MPP7: variants seen among roughly 807,000 people sequenced by gnomAD.
MPP7 encodes the protein MAGUK p55 scaffold protein 7.
Under a neutral mutation model 76.5 loss-of-function variants are expected in MPP7, and 60 were observed. That is an observed-to-expected ratio of 0.78 (90% CI 0.64 to 0.97). The LOEUF is 0.97. Ranked by LOEUF, MPP7 falls within the 50% of genes least tolerant of loss-of-function variation. The pLI, the probability that MPP7 is intolerant of heterozygous loss-of-function variation, is 0.00. For missense variants in MPP7, 641 were observed against 694.0 expected (o/e 0.92, Z 0.86); for synonymous variants, 237 against 244.5 (o/e 0.97, Z 0.29).
At chr10:28,300,929 C>G (rs956949494) in intron 1 of MPP7, among the ~76,000 whole-genome samples, 3 of 143,974 alleles carry the variant, frequency 2.1e-5, no homozygotes, top group African/African-American at 7.8e-5. Flanking sequence ...GCCTGGACAA[C>G]AGAGTGAGAC....
intron 12 of MPP7, among the ~76,000 whole-genome samples, chr10:28,085,219 T>C (rs1852947456): frequency 1.3e-5 from 2 of 152,168 alleles, no homozygotes; most frequent in Admixed American, 6.5e-5. Context: ...CTGAATCGGT[T>C]CTGTAACTTA....
At chr10:28,158,430 CA>C (rs1211794385) in intron 3 of MPP7, among the ~76,000 whole-genome samples, 4 of 152,264 alleles carry the variant, frequency 2.6e-5, no homozygotes, top group East Asian at 1.9e-4. Flanking sequence ...GGACAGCCGG[CA>C]GGGGGGCCCA....
chr10:28,080,933 T>C lies in MPP7; in HGVS notation c.1123+8738A>G, dbSNP rs191229387. ...GAATTCTAATAAACACACTAACACATTTAGTTTTGAGCACTTACTTTGCAC... is the reference window on the plus strand; with the variant it reads ...GAATTCTAATAAACACACTAACACACTTAGTTTTGAGCACTTACTTTGCAC... On this transcript the variant is annotated intron_variant, in intron 12 of 16. Coordinates refer to ENST00000683449, the MANE Select transcript of MPP7 (RefSeq NM_001318170.2). Among the ~76,000 whole-genome samples, 320 of 152,302 alleles carry C rather than the reference T, an allele frequency of 2.1e-3. 2 individuals carry two copies. Among genetic ancestry groups the C allele is most frequent in the Non-Finnish European group, 3.5e-3 (239 of 68,024 alleles).
Position 28,243,655 on chromosome 10 carries a change from G to A in MPP7, c.-131-4920C>T, listed in dbSNP as rs114948760. Among the ~76,000 whole-genome samples, 671 of 152,196 alleles carry A rather than the reference G, an allele frequency of 4.4e-3. 9 individuals carry two copies. The highest frequency in any genetic ancestry group is 0.015 in the African/African-American group (631 of 41,518). ...TAACAGCAAATATCCACAGTTAACT[G>A]AATAGGCTATTAAAATACTCCTCCC... On this transcript the variant is annotated intron_variant, in intron 1 of 16. Coordinates refer to ENST00000683449, the MANE Select transcript of MPP7 (RefSeq NM_001318170.2).
At chr10:28,156,283 C>T (rs2985529) in intron 3 of MPP7, among the ~76,000 whole-genome samples, 138,387 of 152,224 alleles carry the variant, frequency 0.91, 62,959 homozygotes, top group South Asian at 0.95. Flanking sequence ...AAGAGTTTCA[C>T]GCAAGTTCTG....
chr10:28,290,227 T>C (rs1322949655), intron 1 of MPP7, among the ~76,000 whole-genome samples: 1 of 152,126 alleles, frequency 6.6e-6, no homozygotes, highest in African/African-American at 2.4e-5. Flanking sequence ...TGCCTTGTAT[T>C]GATGCCCTAT....
intron 13 of MPP7, among the ~76,000 whole-genome samples, chr10:28,067,593 A>C (rs1049491953): frequency 6.6e-6 from 1 of 152,218 alleles, no homozygotes; most frequent in African/African-American, 2.4e-5. Context: ...TCCCAGTCCC[A>C]CAACCTTTCT....
chr10:28,256,091 A>T (rs1839775992), intron 1 of MPP7, among the ~76,000 whole-genome samples: 1 of 152,170 alleles, frequency 6.6e-6, no homozygotes, highest in South Asian at 2.1e-4. Flanking sequence ...TCAACAGTAT[A>T]CTAGGAGTGT....
intron 1 of MPP7, among the ~76,000 whole-genome samples, chr10:28,244,869 T>C (rs1351526742): frequency 1.3e-5 from 2 of 152,048 alleles, no homozygotes; most frequent in Non-Finnish European, 2.9e-5. Context: ...CAAGCATAGG[T>C]GTAATGAATG....
intron 3 of MPP7, among the ~76,000 whole-genome samples, chr10:28,174,953 G>A (rs1238124113): frequency 6.6e-6 from 1 of 152,174 alleles, no homozygotes; most frequent in Non-Finnish European, 1.5e-5. Flanking sequence ...AGCAAGAGAA[G>A]AAAGACACAA....
chr10:28,069,124 A>C (rs1447370232), intron 13 of MPP7, among the ~76,000 whole-genome samples: 2 of 152,232 alleles, frequency 1.3e-5, no homozygotes, highest in African/African-American at 2.4e-5. Flanking sequence ...ACAAAAAGAA[A>C]ATAGTTACAA....
intron 5 of MPP7, among the ~76,000 whole-genome samples, chr10:28,138,911 A>G (rs771540636): frequency 2.6e-5 from 4 of 152,214 alleles, no homozygotes; most frequent in Non-Finnish European, 5.9e-5. Flanking sequence ...CCAATGTTGC[A>G]ATCACAGTGC....
intron 13 of MPP7, among the ~76,000 whole-genome samples, chr10:28,068,429 A>G (rs1362979736): frequency 6.6e-6 from 1 of 152,096 alleles, no homozygotes; most frequent in Non-Finnish European, 1.5e-5. Flanking sequence ...TTAAAACAGT[A>G]CTAAAACTGC....
At chr10:28,320,319 G>C (rs1834355381) in intron 2 of MPP7, among the ~76,000 whole-genome samples, 1 of 152,152 alleles carries the variant, frequency 6.6e-6, no homozygotes, top group African/African-American at 2.4e-5. Flanking sequence ...ATTTCTGTAG[G>C]GAAGGGTTGG....
At chr10:28,238,481 T>G in intron 2 of MPP7, 87 bp downstream of exon 2, 1 of 1,374,192 alleles carries the variant, frequency 7.3e-7, no homozygotes, top group East Asian at 2.3e-5. Flanking sequence ...ATGATCTGCC[T>G]GCATTTGCTT....
intron 1 of MPP7, among the ~76,000 whole-genome samples, chr10:28,297,978 T>C (rs1264955796): frequency 6.6e-6 from 1 of 152,238 alleles, no homozygotes; most frequent in Non-Finnish European, 1.5e-5. Flanking sequence ...CCATTCGAGT[T>C]TGATAATAAG....
chr10:28,190,117 G>A (rs1330604403), intron 3 of MPP7, among the ~76,000 whole-genome samples: 1 of 152,084 alleles, frequency 6.6e-6, no homozygotes, highest in Non-Finnish European at 1.5e-5. Flanking sequence ...AATTCCCCAA[G>A]AAGACATAAC....
At chr10:28,078,294 T>C (rs1852593332) in intron 12 of MPP7, among the ~76,000 whole-genome samples, 1 of 152,176 alleles carries the variant, frequency 6.6e-6, no homozygotes, top group Non-Finnish European at 1.5e-5. Context: ...CTACAAAAAG[T>C]GGCAGAAGTC....
intron 2 of MPP7, among the ~76,000 whole-genome samples, chr10:28,325,489 C>A (rs1037691969): frequency 6.6e-6 from 1 of 151,432 alleles, no homozygotes; most frequent in Non-Finnish European, 1.5e-5. Context: ...CATTTCATTT[C>A]TTTTTCTTTT....
Sources: gnomAD v4.1 joint callset for allele counts (sites outside exome capture counted in the v4.1 genomes callset) on GRCh38, gnomAD v4.1.1 for gene constraint, MANE v1.5 for transcripts, NCBI Gene and HGNC (gene_info 2026-07-23, HGNC 2026-07-21) for gene names.